The following RBBP4 variants were observed in gnomAD, a reference collection of about 807,000 sequenced individuals.
RBBP4 encodes the protein RB binding protein 4, chromatin remodeling factor.
A neutral mutation model predicts 57.2 loss-of-function variants in RBBP4; 3 were observed. The observed-to-expected ratio is 0.05, with a 90% CI of 0.02 to 0.14. The LOEUF (loss-of-function observed/expected upper bound fraction) is 0.14, where lower values mean the gene tolerates loss of function less well. Ranked by LOEUF, RBBP4 falls within the 10% of genes least tolerant of loss-of-function variation. The pLI is 1.00. For synonymous variants in RBBP4, 151 were observed against 171.5 expected (o/e 0.88, Z 0.93); for missense variants, 107 against 520.6 (o/e 0.21, Z 7.73).
rs575511410 is a variant in RBBP4 at position 32,681,981 on chromosome 1, G to C, written c.*2276G>C. The C allele has an allele frequency of 1.2e-6, 1 of 849,714 alleles. No homozygotes were observed. The highest frequency in any genetic ancestry group is 1.9e-6 in the Non-Finnish European group (1 of 522,608). 52.6% of individuals were successfully genotyped at this position (849,714 alleles called of 1,614,324 possible). On this transcript the variant is annotated 3_prime_UTR_variant, in exon 12 of 12. Transcript: ENST00000373493. The stretch of plus-strand genomic sequence containing the variant: ...GATGATCAGGGATGACTTTCCCCTA[G>C]CAAATATTTGGATGCCTCCTGTTTG...
intron 11 of RBBP4, 129 bp downstream of exon 11, chr1:32,673,030 G>GT: frequency 1.3e-6 from 1 of 747,906 alleles, no homozygotes; most frequent in South Asian, 1.8e-5. Context: ...TTTAAGACTT[G>GT]TCTATACATT....
chr1:32,677,183 G>A (rs1449412879), intron 11 of RBBP4, among the ~76,000 whole-genome samples: 1 of 152,070 alleles, frequency 6.6e-6, no homozygotes, highest in African/African-American at 2.4e-5. Flanking sequence ...GTTCTACTGT[G>A]AGGTGATTTT....
chr1:32,660,343 A>G (rs1648345884), intron 3 of RBBP4, among the ~76,000 whole-genome samples: 1 of 152,112 alleles, frequency 6.6e-6, no homozygotes. Context: ...TTATGGGCTC[A>G]AACGATCCTC....
At chr1:32,667,750 A>T (rs1648714781) in intron 3 of RBBP4, among the ~76,000 whole-genome samples, 1 of 152,206 alleles carries the variant, frequency 6.6e-6, no homozygotes, top group African/African-American at 2.4e-5. Context: ...TCCTTTGGAT[A>T]CCAAAATTCA....
At chr1:32,679,123 C>A (rs1570878521) in intron 11 of RBBP4, among the ~76,000 whole-genome samples, 2 of 152,092 alleles carry the variant, frequency 1.3e-5, no homozygotes, top group South Asian at 4.2e-4. Flanking sequence ...ATGGTGAAAC[C>A]CCATCTCTAT....
chr1:32,675,681 A>G (rs1344068052), intron 11 of RBBP4, among the ~76,000 whole-genome samples: 3 of 152,044 alleles, frequency 2.0e-5, no homozygotes, highest in Non-Finnish European at 4.4e-5. Context: ...AGGCAGGAGA[A>G]TGGCGTGAAC....
Position 32,682,195 on chromosome 1 carries a change from A to G in RBBP4, c.*2490A>G. ...GGTAGTTAGTAGATCATTAACCTCA[A>G]TTGCAAGGTTATAATTTCTCAAACA... is the stretch of plus-strand genomic sequence containing the variant. On this transcript the variant is annotated 3_prime_UTR_variant, in exon 12 of 12. Transcript: ENST00000373493. The G allele has an allele frequency of 4.0e-6, 1 of 252,962 alleles. No individual in the cohort carries two copies. The highest frequency in any genetic ancestry group is 7.6e-6 in the Non-Finnish European group (1 of 131,714). The allele number at this position is 252,962 out of a possible 1,614,324, so 15.7% of individuals were successfully genotyped here.
At chr1:32,656,486 A>G (rs1403648849) in intron 2 of RBBP4, among the ~76,000 whole-genome samples, 4 of 152,066 alleles carry the variant, frequency 2.6e-5, no homozygotes, top group Admixed American at 6.6e-5. Context: ...CTGAGTAGCT[A>G]GGACTACAGG....
At chr1:32,657,315 C>G in intron 2 of RBBP4, 112 bp from the exon 3 acceptor site, 1 of 1,028,868 alleles carries the variant, frequency 9.7e-7, no homozygotes. Context: ...ATGACTTTTT[C>G]CCCTCTCTTA....
At chr1:32,670,372 C>T (rs755509794) in intron 8 of RBBP4, among the ~76,000 whole-genome samples, 3 of 152,026 alleles carry the variant, frequency 2.0e-5, no homozygotes, top group Non-Finnish European at 4.4e-5. Flanking sequence ...AGTTTAAACC[C>T]ATTTATGCCT....
intron 1 of RBBP4, chr1:32,651,664 G>T: frequency 1.4e-6 from 1 of 733,560 alleles, no homozygotes; most frequent in Non-Finnish European, 2.1e-6. Flanking sequence ...TGTGAGTTTC[G>T]GCGCGCACGA....
At chr1:32,654,408 A>G (rs1648044562) in intron 2 of RBBP4, among the ~76,000 whole-genome samples, 1 of 152,166 alleles carries the variant, frequency 6.6e-6, no homozygotes, top group South Asian at 2.1e-4. Context: ...AGAGTACTTA[A>G]TGAGAAGTGT....
Position 32,680,697 on chromosome 1 carries a change from C to A in RBBP4, c.*992C>A. 3.0e-6 allele frequency: 2 copies of A among 670,484 alleles called. No homozygotes were observed. The highest frequency in any genetic ancestry group is 2.3e-5 in the South Asian group (1 of 43,802). 41.5% of individuals were successfully genotyped at this position (670,484 alleles called of 1,614,324 possible). On this transcript the variant is annotated 3_prime_UTR_variant, in exon 12 of 12. Transcript: ENST00000373493. ...TATTTAGTATAAAACATCCATCAAA[C>A]ACCAGTCTCTGGCTTCTAGAAGAGT...
At chr1:32,657,634 G>A in intron 3 of RBBP4, 62 bp downstream of exon 3, 2 of 1,526,048 alleles carry the variant, frequency 1.3e-6, no homozygotes, top group Non-Finnish European at 8.9e-7. Context: ...TGTGCACTTT[G>A]ATAAAGTAAA....
At chr1:32,673,644 G>C (rs1444381500) in intron 11 of RBBP4, 1 of 248,022 alleles carries the variant, frequency 4.0e-6, no homozygotes, top group Non-Finnish European at 8.1e-6. Flanking sequence ...CACTATGTTG[G>C]CCAGGCTGGT....
At position 32,668,755 on chromosome 1, in the gene RBBP4, C is replaced by T. The variant is rs1423925420; in HGVS notation, c.501C>T (p.Cys167=). The T allele has an allele frequency of 1.2e-6, 2 of 1,612,778 alleles. No individual in the cohort carries two copies. Among genetic ancestry groups the T allele is most frequent in the African/African-American group, 1.3e-5 (1 of 75,002 alleles). ...HPSKPDPSGE[C]NPDLRLRGHQ... ...ACTTTGCAGATCCTTCTGGAGAGTG[C>T]AACCCAGACTTGCGTCTCCGTGGAC... Residue 167 remains cysteine (C), a synonymous_variant, in exon 5 of 12, where the codon TGC becomes TGT. Coordinates refer to ENST00000373493, the MANE Select transcript of RBBP4 (RefSeq NM_005610.3).
At position 32,681,913 on chromosome 1, in the gene RBBP4, C is replaced by G. The variant is rs1649464558; in HGVS notation, c.*2208C>G. 6.7e-7 allele frequency: 1 copy of G among 1,500,372 alleles called. No homozygotes were observed. Among genetic ancestry groups the G allele is most frequent in the Admixed American group, 1.7e-5 (1 of 59,674 alleles). The allele number at this position is 1,500,372 out of a possible 1,614,324, so 92.9% of individuals were successfully genotyped here. On this transcript the variant is annotated 3_prime_UTR_variant, in exon 12 of 12. Transcript: ENST00000373493. ...ACAGTGAACTTCTGAGGTTTAGTTA[C>G]TGCAGGCTTTGTTGAGAAGAGATTG...
intron 3 of RBBP4, among the ~76,000 whole-genome samples, chr1:32,661,602 G>A (rs1166513832): frequency 2.0e-5 from 3 of 151,788 alleles, no homozygotes; most frequent in Non-Finnish European, 1.5e-5. Context: ...CCTGTTTTTA[G>A]TTATTTGAGA....
intron 11 of RBBP4, among the ~76,000 whole-genome samples, chr1:32,676,617 A>AG (rs1649112514): frequency 3.0e-5 from 1 of 33,036 alleles, no homozygotes; most frequent in African/African-American, 4.7e-5. Context: ...CATCTCAAAA[A>AG]AAAAAAAAAA....
Sources: gnomAD v4.1 joint callset for allele counts (sites outside exome capture counted in the v4.1 genomes callset) on GRCh38, gnomAD v4.1.1 for gene constraint, MANE v1.5 for transcripts, NCBI Gene and HGNC (gene_info 2026-07-23, HGNC 2026-07-21) for gene names.